Variants in FREM3 observed in about 807,000 individuals in gnomAD.
The protein encoded by FREM3 is FRAS1 related extracellular matrix 3.
In FREM3, 105 loss-of-function variants were observed where a neutral mutation model predicts 129.1. The ratio of observed to expected loss-of-function variants is 0.81; its 90% CI spans 0.69 to 0.96. The LOEUF (loss-of-function observed/expected upper bound fraction) is 0.96, where lower values mean the gene tolerates loss of function less well. FREM3 is among the 40% of genes least tolerant of loss of function. FREM3 has a pLI of 0.00. For missense variants in FREM3, 2,593 were observed against 2,666.3 expected (o/e 0.97, Z 0.61); for synonymous variants, 1,014 against 1,044.9 (o/e 0.97, Z 0.57).
At chr4:143,686,935 A>T (rs1740379988) in intron 2 of FREM3, among the ~76,000 whole-genome samples, 1 of 152,060 alleles carries the variant, frequency 6.6e-6, no homozygotes, top group Admixed American at 6.6e-5. Flanking sequence ...AACAAACCAA[A>T]CCCAAACCCA....
At chr4:143,651,497 A>G (rs188585861) in intron 2 of FREM3, among the ~76,000 whole-genome samples, 1 of 152,248 alleles carries the variant, frequency 6.6e-6, no homozygotes, top group African/African-American at 2.4e-5. Flanking sequence ...GGACATGGAA[A>G]TGCACACACG....
intron 2 of FREM3, among the ~76,000 whole-genome samples, chr4:143,638,394 G>A (rs143547665): frequency 6.6e-6 from 1 of 152,258 alleles, no homozygotes; most frequent in African/African-American, 2.4e-5. Context: ...CTGGAAGGCA[G>A]AAAACATTGT....
At chr4:143,656,107 T>C (rs1461305269) in intron 2 of FREM3, among the ~76,000 whole-genome samples, 2 of 152,194 alleles carry the variant, frequency 1.3e-5, no homozygotes, top group Non-Finnish European at 2.9e-5. Flanking sequence ...ACAGTAATTA[T>C]AAATTTGAAA....
intron 5 of FREM3, among the ~76,000 whole-genome samples, chr4:143,611,809 G>A (rs1447612889): frequency 6.6e-6 from 1 of 152,136 alleles, no homozygotes; most frequent in Non-Finnish European, 1.5e-5. Flanking sequence ...TGCTAGGGCT[G>A]GCTTAGCTCA....
At chr4:143,653,297 G>A (rs1038616850) in intron 2 of FREM3, among the ~76,000 whole-genome samples, 1 of 152,202 alleles carries the variant, frequency 6.6e-6, no homozygotes, top group African/African-American at 2.4e-5. Flanking sequence ...AAATAGGGAA[G>A]AATCTACTTC....
At position 143,696,617 on chromosome 4, in the gene FREM3, C is replaced by T. The variant is rs1282532685; in HGVS notation, c.4059G>A (p.Gly1353=). 1.3e-6 allele frequency: 2 copies of T among 1,537,628 alleles called. No individual in the cohort carries two copies. The highest frequency in any genetic ancestry group is 1.7e-6 in the Non-Finnish European group (2 of 1,147,022). Residue 1353 remains glycine (G), a synonymous_variant, in exon 1 of 8, where the codon GGG becomes GGA. Coordinates refer to ENST00000329798, the MANE Select transcript of FREM3 (RefSeq NM_001168235.2). Reference sequence around the variant, plus strand: ...TGGGTTTTCTCAGCCTCTGTAGAAGCCCTTGTTGAGGCCCAGAATGGAGGA... The same window carrying T: ...TGGGTTTTCTCAGCCTCTGTAGAAGTCCTTGTTGAGGCCCAGAATGGAGGA... The part of the protein sequence containing the change: ...SFVLHSGPQQ[G]LLQRLRKPRG...
At chr4:143,676,762 C>T (rs1053389093) in intron 2 of FREM3, among the ~76,000 whole-genome samples, 12 of 152,032 alleles carry the variant, frequency 7.9e-5, no homozygotes, top group African/African-American at 1.2e-4. Flanking sequence ...ACAAACAGAC[C>T]GCCAAATCAT....
chr4:143,579,481 T>G (rs1738096487), intron 7 of FREM3, among the ~76,000 whole-genome samples: 1 of 152,142 alleles, frequency 6.6e-6, no homozygotes. Context: ...AAGGTTATAG[T>G]GAAAATTACT....
intron 2 of FREM3, among the ~76,000 whole-genome samples, chr4:143,650,547 G>A (rs577037590): frequency 1.3e-5 from 2 of 152,324 alleles, no homozygotes; most frequent in South Asian, 4.1e-4. Flanking sequence ...TTGGAGTGCA[G>A]TGGCACACTC....
intron 2 of FREM3, among the ~76,000 whole-genome samples, chr4:143,661,410 G>T (rs1739720817): frequency 6.6e-6 from 1 of 151,704 alleles, no homozygotes; most frequent in African/African-American, 2.4e-5. Context: ...TGCGTATATT[G>T]AACCAGCCTT....
intron 6 of FREM3, among the ~76,000 whole-genome samples, chr4:143,596,771 TA>T (rs34250751): frequency 0.42 from 63,301 of 151,364 alleles, 13,419 homozygotes; most frequent in Middle Eastern, 0.46. Flanking sequence ...CCCATCTCTA[TA>T]AAAAAATAAA....
intron 2 of FREM3, among the ~76,000 whole-genome samples, chr4:143,656,669 CGGAAAT>C (rs1739606541): frequency 6.6e-6 from 1 of 151,822 alleles, no homozygotes; most frequent in Admixed American, 6.6e-5. Flanking sequence ...AGAGGGGTGG[CGGAAAT>C]GGAAATGACT....
At chr4:143,586,257 T>C (rs550142198) in intron 6 of FREM3, among the ~76,000 whole-genome samples, 1 of 152,212 alleles carries the variant, frequency 6.6e-6, no homozygotes, top group Non-Finnish European at 1.5e-5. Context: ...TTTTAAGAAC[T>C]TTCCATTACA....
intron 6 of FREM3, among the ~76,000 whole-genome samples, chr4:143,602,832 A>G (rs529457496): frequency 2.6e-5 from 4 of 152,308 alleles, no homozygotes; most frequent in African/African-American, 9.6e-5. Flanking sequence ...CCTAGAGAAG[A>G]GCAAGCAGCC....
rs1578833782 is a variant in FREM3, at chr4:143,611,311, G to T, written c.5996C>A (p.Thr1999Asn). Residue 1999 changes from threonine (T) to asparagine (N), a missense_variant, in exon 6 of 8, where the codon ACT (threonine) becomes AAT (asparagine). Transcript: ENST00000329798. ...GGQLGARFPT[T>N]KVTILADRYD... ...ACGATCAGCCAGAATAGTCACCTTA[G>T]TGGTGGGGAATCTGGCTCCCAGCTG... is the stretch of plus-strand genomic sequence containing the variant. 6.5e-7 allele frequency: 1 copy of T among 1,537,064 alleles called. No homozygotes were observed. The highest frequency in any genetic ancestry group is 2.0e-5 in the Admixed American group (1 of 51,000).
In FREM3 at chr4:143,695,769, G is replaced by A; in HGVS notation, c.4907C>T (p.Pro1636Leu). Reference sequence around the variant, plus strand: ...TTTGTGTGTCGCCAGGGCAGTGTCTGGTAGGACATAGAAATCAGTGTGAGT... The same window carrying A: ...TTTGTGTGTCGCCAGGGCAGTGTCTAGTAGGACATAGAAATCAGTGTGAGT... Reference protein sequence around the residue: ...DGTHTDFYVLPDTALATHKPQ... With the variant: ...DGTHTDFYVLLDTALATHKPQ... The change falls in exon 1 of 8, where the codon CCA (proline) becomes CTA (leucine). Residue 1636 changes from proline (P) to leucine (L), a missense_variant. Physicochemically the swap from Pro to Leu is moderately conservative, Grantham distance 98 (BLOSUM62 -3). This residue lies in a region of FREM3 where 2,276 missense variants were observed against 2,267.2 expected (regional missense o/e 1.00). Transcript: ENST00000329798. 3 of 1,537,262 alleles carry A rather than the reference G, an allele frequency of 2.0e-6. No individual in the cohort carries two copies. The highest frequency in any genetic ancestry group is 1.7e-6 in the Non-Finnish European group (2 of 1,146,920).
chr4:143,682,215 C>A (rs917501945), intron 2 of FREM3, among the ~76,000 whole-genome samples: 1 of 152,140 alleles, frequency 6.6e-6, no homozygotes, highest in Non-Finnish European at 1.5e-5. Context: ...ACACCAACTT[C>A]CTAGAACTAA....
rs141144526 is a variant in FREM3 at position 143,633,194 on chromosome 4, G to C, written c.5276-5434C>G. Among the ~76,000 whole-genome samples, 463 of 152,234 alleles carry C rather than the reference G, an allele frequency of 3.0e-3. 2 individuals carry two copies. The highest frequency in any genetic ancestry group is 4.8e-3 in the Non-Finnish European group (329 of 67,998). ...AACGGTCATCCACAGAGTGCTGTTG[G>C]CATTCTTTCTAGCTGCATGTCCTGT... is the stretch of plus-strand genomic sequence containing the variant. On this transcript the variant is annotated intron_variant, in intron 2 of 7. Transcript: ENST00000329798.
chr4:143,608,406 C>T (rs146115009), intron 6 of FREM3, among the ~76,000 whole-genome samples: 6 of 152,200 alleles, frequency 3.9e-5, no homozygotes, highest in Non-Finnish European at 7.4e-5. Flanking sequence ...CACCTGAATC[C>T]CATTAAATTG....
Sources: gnomAD v4.1 joint callset for allele counts (sites outside exome capture counted in the v4.1 genomes callset) on GRCh38, gnomAD v4.1.1 for gene constraint, gnomAD v4.1.1 regional missense constraint, MANE v1.5 for transcripts, NCBI Gene and HGNC (gene_info 2026-07-23, HGNC 2026-07-21) for gene names.